CFAP54: variants seen among roughly 807,000 people sequenced by gnomAD.
CFAP54 encodes the protein cilia and flagella associated protein 54.
CFAP54 carries 290 observed loss-of-function variants against 370.4 expected under a neutral mutation model. The observed-to-expected ratio is 0.78, with a 90% CI of 0.71 to 0.86. The LOEUF (loss-of-function observed/expected upper bound fraction) is 0.86, where lower values mean the gene tolerates loss of function less well. Ranked by LOEUF, CFAP54 falls within the 40% of genes least tolerant of loss-of-function variation. The pLI is 0.00. For missense variants in CFAP54, 3,399 were observed against 3,528.7 expected (o/e 0.96, Z 0.93); for synonymous variants, 1,206 against 1,236.5 (o/e 0.98, Z 0.52).
chr12:96,772,781 G>A lies in CFAP54; in HGVS notation c.8281+7563G>A, dbSNP rs138619415. Among the ~76,000 whole-genome samples the A allele has an allele frequency of 7.3e-3, 1,105 of 152,014 alleles. 17 individuals carry two copies. The highest frequency in any genetic ancestry group is 0.025 in the African/African-American group (1,022 of 41,448). On this transcript the variant is annotated intron_variant, in intron 60 of 67. Coordinates refer to ENST00000524981, the MANE Select transcript of CFAP54 (RefSeq NM_001306084.2). ...ATTACAGGCACCCACAACCATGCCC[G>A]GCTAATTTTTGTATTTTTAGTAGAG...
At chr12:96,535,100 C>G (rs569182288) in intron 11 of CFAP54, among the ~76,000 whole-genome samples, 1 of 149,496 alleles carries the variant, frequency 6.7e-6, no homozygotes, top group African/African-American at 2.5e-5. Context: ...ACTCTGTTGC[C>G]CAGGCTGAAG....
At chr12:96,764,041 T>C (rs1958368769) in intron 58 of CFAP54, 110 bp from the exon 59 acceptor site, 10 of 620,484 alleles carry the variant, frequency 1.6e-5, no homozygotes, top group Non-Finnish European at 2.8e-5. Flanking sequence ...TGTCAATAGA[T>C]ACATTATTAT....
chr12:96,720,387 A>G lies in CFAP54; in HGVS notation c.6805-18A>G. ...TATTATTTCTGAACTCACGTGATGT[A>G]TGGTATCCTTTCCTTAGTCGATGTT... On this transcript the variant is annotated intron_variant, in intron 49 of 67. Transcript: ENST00000524981. The G allele has an allele frequency of 2.8e-6, 4 of 1,443,098 alleles. No individual in the cohort carries two copies. Among genetic ancestry groups the G allele is most frequent in the Middle Eastern group, 1.9e-4 (1 of 5,232 alleles). 89.4% of individuals were successfully genotyped at this position (1,443,098 alleles called of 1,614,324 possible). A position where few individuals can be genotyped will look rare whatever the true frequency, so the allele number is the denominator to read the frequency against.
rs1447631326 is a variant in CFAP54 at position 96,648,765 on chromosome 12, T to C, written c.4690+748T>C. On this transcript the variant is annotated intron_variant, in intron 34 of 67. Coordinates refer to ENST00000524981, the MANE Select transcript of CFAP54 (RefSeq NM_001306084.2). ...CACCGCGCCTGGCTAATTTTTTGTA[T>C]TTTTAGTAAAGACGGGGTTTCACTA... Among the ~76,000 whole-genome samples the C allele has an allele frequency of 2.6e-5, 4 of 152,024 alleles. No homozygotes were observed. In the East Asian group the frequency reaches 5.8e-4, roughly 22 times the overall value.
chr12:96,504,929 TTC>T (rs1475470390), intron 3 of CFAP54, among the ~76,000 whole-genome samples: 1 of 151,600 alleles, frequency 6.6e-6, no homozygotes, highest in Non-Finnish European at 1.5e-5. Context: ...GAATTTATTT[TTC>T]TTTCTTCCTC....
intron 1 of CFAP54, among the ~76,000 whole-genome samples, chr12:96,498,192 A>G (rs561641742): frequency 2.0e-5 from 3 of 152,320 alleles, no homozygotes; most frequent in Admixed American, 6.5e-5. Flanking sequence ...CAACAAACTG[A>G]TCTTCGGCAA....
At chr12:96,771,398 A>T (rs1337437627) in intron 60 of CFAP54, among the ~76,000 whole-genome samples, 1 of 152,214 alleles carries the variant, frequency 6.6e-6, no homozygotes, top group Non-Finnish European at 1.5e-5. Context: ...CACGCCTGTA[A>T]TCCCAGCACT....
At chr12:96,746,961 G>A (rs1958121630) in intron 55 of CFAP54, among the ~76,000 whole-genome samples, 3 of 152,170 alleles carry the variant, frequency 2.0e-5, no homozygotes, top group Admixed American at 6.5e-5. Flanking sequence ...CCCCAAGACT[G>A]GGTGATGTGC....
Position 96,626,836 on chromosome 12 carries a change from A to C in CFAP54, c.4000A>C (p.Arg1334=). The change falls in exon 30 of 68, where the codon AGA becomes CGA. Residue 1334 remains arginine, a synonymous_variant. Transcript: ENST00000524981. ...KEVMKFKQKP[R]FLEFFTQVML... ...AGTTATGAAATTTAAGCAAAAACCA[A>C]GATTTCTGGAATTCTTTACACAAGT... The C allele has an allele frequency of 7.1e-7, 1 of 1,400,414 alleles. No individual in the cohort carries two copies. Among genetic ancestry groups the C allele is most frequent in the Non-Finnish European group, 9.4e-7 (1 of 1,061,264 alleles). 86.7% of individuals were successfully genotyped at this position (1,400,414 alleles called of 1,614,324 possible). A position where few individuals can be genotyped will look rare whatever the true frequency, so the allele number is the denominator to read the frequency against.
Position 96,742,572 on chromosome 12 carries a change from T to A in CFAP54, c.7205T>A (p.Ile2402Asn), listed in dbSNP as rs373695195. Residue 2402 changes from isoleucine to asparagine, a missense_variant, in exon 52 of 68, where the codon ATT becomes AAT. Physicochemically the swap from Ile to Asn is moderately radical, Grantham distance 149. Coordinates refer to ENST00000524981, the MANE Select transcript of CFAP54 (RefSeq NM_001306084.2). ...GCATTTGTTGCACAGATTCATGGCATTGGAATTGTGAAAGGTACAAACATT... is the reference window on the plus strand; with the variant it reads ...GCATTTGTTGCACAGATTCATGGCAATGGAATTGTGAAAGGTACAAACATT... ...VTAFVAQIHG[I>N]GIVKEDDMTD... is the part of the protein sequence containing the mutation. The A allele has an allele frequency of 2.5e-6, 4 of 1,612,486 alleles. No individual in the cohort carries two copies. The South Asian group carries it at 4.4e-5, about 18-fold the overall frequency.
chr12:96,493,628 C>A (rs575050632), intron 1 of CFAP54, among the ~76,000 whole-genome samples: 1 of 152,294 alleles, frequency 6.6e-6, no homozygotes, highest in African/African-American at 2.4e-5. Flanking sequence ...GAAACCCTGT[C>A]TCTACTAAAA....
intron 39 of CFAP54, among the ~76,000 whole-genome samples, chr12:96,674,234 G>C (rs1041427649): frequency 6.6e-6 from 1 of 152,090 alleles, no homozygotes; most frequent in Non-Finnish European, 1.5e-5. Flanking sequence ...CCAAATTTCA[G>C]ATCACTTGCT....
At chr12:96,780,478 A>G (rs1958570450) in intron 60 of CFAP54, among the ~76,000 whole-genome samples, 2 of 152,126 alleles carry the variant, frequency 1.3e-5, no homozygotes, top group African/African-American at 2.4e-5. Flanking sequence ...TCAAGTGTCC[A>G]CTATGTGGGG....
At chr12:96,744,242 C>A in intron 55 of CFAP54, 96 bp downstream of exon 55, 2 of 1,083,338 alleles carry the variant, frequency 1.8e-6, no homozygotes, top group Admixed American at 2.9e-5. Context: ...TTAAAAGAGG[C>A]AATATTTATG....
intron 66 of CFAP54, among the ~76,000 whole-genome samples, chr12:96,858,510 C>T (rs925631984): frequency 1.3e-5 from 2 of 152,166 alleles, no homozygotes; most frequent in Non-Finnish European, 2.9e-5. Context: ...TCCCACTTGC[C>T]AATTTTTGCT....
chr12:96,498,958 T>C (rs11108548), intron 1 of CFAP54, among the ~76,000 whole-genome samples: 4 of 152,206 alleles, frequency 2.6e-5, no homozygotes, highest in Admixed American at 2.6e-4. Flanking sequence ...TTTACTTTTT[T>C]AAATATTTTT....
intron 50 of CFAP54, among the ~76,000 whole-genome samples, chr12:96,735,219 T>C (rs1431531862): frequency 6.6e-6 from 1 of 152,186 alleles, no homozygotes; most frequent in East Asian, 1.9e-4. Flanking sequence ...CTAAGCATAA[T>C]AATTCAACTT....
chr12:96,542,146 C>G (rs753934811), intron 14 of CFAP54, among the ~76,000 whole-genome samples: 3 of 152,188 alleles, frequency 2.0e-5, no homozygotes, highest in Non-Finnish European at 4.4e-5. Flanking sequence ...TAAAGTTACT[C>G]TTTACTTGGA....
At chr12:96,643,233 G>A (rs1255096511) in intron 32 of CFAP54, among the ~76,000 whole-genome samples, 1 of 152,072 alleles carries the variant, frequency 6.6e-6, no homozygotes, top group East Asian at 1.9e-4. Flanking sequence ...TGGATTAAAA[G>A]CAAATCATCA....
Sources: allele counts gnomAD v4.1 joint callset (sites outside exome capture counted in the v4.1 genomes callset), GRCh38; gene constraint gnomAD v4.1.1; transcripts MANE v1.5; gene names NCBI Gene and HGNC (gene_info 2026-07-23, HGNC 2026-07-21).